The following KCNQ1OT1 variants were observed in gnomAD, a reference collection of about 807,000 sequenced individuals.
The protein encoded by KCNQ1OT1 is KCNQ1 antisense RNA 2 (non-protein coding).
exon 1 of KCNQ1OT1, chr11:2,625,257 T>C (rs1849244462): frequency 1.0e-5 from 4 of 398,580 alleles, no homozygotes; most frequent in Non-Finnish European, 1.8e-5. Context: ...TCTGTTTATG[T>C]GGGATTTTTT....
chr11:2,673,103 G>C lies in KCNQ1OT1; in HGVS notation n.26892C>G. On this transcript the variant is annotated non_coding_transcript_exon_variant, in exon 1 of 1. Transcript: ENST00000597346. The surrounding 1 kb of genome is among the most constrained non-coding windows in gnomAD (Gnocchi z 4.5). Reference sequence around the variant, plus strand: ...CAGTAGGCCTTCACGGTACTCAGCAGGAGACCCCAGCAGGCAGCATCAGGG... The same window carrying C: ...CAGTAGGCCTTCACGGTACTCAGCACGAGACCCCAGCAGGCAGCATCAGGG... 1 of 398,948 alleles carries C rather than the reference G, an allele frequency of 2.5e-6. No homozygotes were observed. The highest frequency in any genetic ancestry group is 4.4e-6 in the Non-Finnish European group (1 of 226,296). 24.7% of individuals were successfully genotyped at this position (398,948 alleles called of 1,614,324 possible). A position where few individuals can be genotyped will look rare whatever the true frequency, so the allele number is the denominator to read the frequency against.
chr11:2,609,421 G>T (rs571299777), exon 1 of KCNQ1OT1: 18 of 398,178 alleles, frequency 4.5e-5, no homozygotes, highest in Non-Finnish European at 6.6e-5. Flanking sequence ...ATTTATGCAG[G>T]TTTGTTTCGT....
chr11:2,668,231 A>G lies in KCNQ1OT1; in HGVS notation n.31764T>C. 2.5e-6 allele frequency: 1 copy of G among 398,656 alleles called. No individual in the cohort carries two copies. Among genetic ancestry groups the G allele is most frequent in the Non-Finnish European group, 4.4e-6 (1 of 226,092 alleles). 24.7% of individuals were successfully genotyped at this position (398,656 alleles called of 1,614,324 possible). A position where few individuals can be genotyped will look rare whatever the true frequency, so the allele number is the denominator to read the frequency against. On this transcript the variant is annotated non_coding_transcript_exon_variant, in exon 1 of 1. Transcript: ENST00000597346. This position sits in a 1 kb window ranked among gnomAD's most constrained non-coding sequence, Gnocchi z 4.3. ...TTCATCCATTCTACCACCTGTGGCC[A>G]GCAGGCAGTTTCTGGTGTAGGTTGC...
exon 1 of KCNQ1OT1, chr11:2,660,425 A>G: frequency 2.5e-6 from 1 of 398,652 alleles, no homozygotes. Flanking sequence ...CTTTAAAAAC[A>G]TAAAACATTT....
At position 2,668,669 on chromosome 11, in the gene KCNQ1OT1, A is replaced by C; in HGVS notation, n.31326T>G. On this transcript the variant is annotated non_coding_transcript_exon_variant, in exon 1 of 1. Transcript: ENST00000597346. This position sits in a 1 kb window ranked among gnomAD's most constrained non-coding sequence, Gnocchi z 4.3. Reference sequence around the variant, plus strand: ...ATATATCTTTAGATATTCTGGAGTCATTTGTCAGAGAGAGAGATACACACA... The same window carrying C: ...ATATATCTTTAGATATTCTGGAGTCCTTTGTCAGAGAGAGAGATACACACA... 2.5e-6 allele frequency: 1 copy of C among 398,524 alleles called. No homozygotes were observed. Among genetic ancestry groups the C allele is most frequent in the Non-Finnish European group, 4.4e-6 (1 of 226,052 alleles). 24.7% of individuals were successfully genotyped at this position (398,524 alleles called of 1,614,324 possible).
Position 2,670,315 on chromosome 11 carries a change from C to A in KCNQ1OT1, n.29680G>T. On this transcript the variant is annotated non_coding_transcript_exon_variant, in exon 1 of 1. Transcript: ENST00000597346. This position sits in a 1 kb window ranked among gnomAD's most constrained non-coding sequence, Gnocchi z 4.9. ...TAGGTGCCCAATGGAGAGATAATCT[C>A]AAATATGGTAGCAGAGTTCAGACTC... is the stretch of plus-strand genomic sequence containing the variant. 1 of 398,526 alleles carries A rather than the reference C, an allele frequency of 2.5e-6. No individual in the cohort carries two copies. Among genetic ancestry groups the A allele is most frequent in the South Asian group, 1.3e-4 (1 of 7,844 alleles). The allele number at this position is 398,526 out of a possible 1,614,324, so 24.7% of individuals were successfully genotyped here.
rs1849156285 is a variant in KCNQ1OT1, at chr11:2,620,771, T to C, written n.79224A>G. 2.5e-6 allele frequency: 1 copy of C among 398,494 alleles called. No individual in the cohort carries two copies. Among genetic ancestry groups the C allele is most frequent in the Non-Finnish European group, 4.4e-6 (1 of 226,078 alleles). The allele number at this position is 398,494 out of a possible 1,614,324, so 24.7% of individuals were successfully genotyped here. ...GTTATTTGAGAAAACTCCAAACTGC[T>C]TAGCACAGTGGCTGAACTAATTTGT... On this transcript the variant is annotated non_coding_transcript_exon_variant, in exon 1 of 1. Transcript: ENST00000597346. This position sits in a 1 kb window ranked among gnomAD's most constrained non-coding sequence, Gnocchi z 4.5.
rs539778450 is a variant in KCNQ1OT1 at position 2,645,335 on chromosome 11, C to T, written n.54660G>A. The T allele has an allele frequency of 1.0e-4, 40 of 398,682 alleles. No homozygotes were observed. In the East Asian group the frequency reaches 1.4e-3, roughly 14 times the overall value. The allele number at this position is 398,682 out of a possible 1,614,324, so 24.7% of individuals were successfully genotyped here. ...ACAATACTGGATAGGGCAGGGTGAT[C>T]CCTAGGCCCAGAGATGGTATGCGCT... On this transcript the variant is annotated non_coding_transcript_exon_variant, in exon 1 of 1. Transcript: ENST00000597346. The surrounding 1 kb of genome is among the most constrained non-coding windows in gnomAD (Gnocchi z 5.8).
exon 1 of KCNQ1OT1, chr11:2,631,449 T>G (rs1849351850): frequency 2.5e-6 from 1 of 398,476 alleles, no homozygotes; most frequent in South Asian, 1.3e-4. Flanking sequence ...GATTTCTATT[T>G]CTTTATTGAA....
exon 1 of KCNQ1OT1, chr11:2,633,886 C>T (rs867352376): frequency 1.3e-5 from 5 of 398,568 alleles, no homozygotes; most frequent in South Asian, 1.3e-4. Context: ...CATCTGTATA[C>T]ATAGTTTTCA....
rs200275211 is a variant in KCNQ1OT1, at chr11:2,662,025, C to T, written n.37970G>A. The T allele has an allele frequency of 6.1e-5, 99 of 1,614,214 alleles. No homozygotes were observed. The highest frequency in any genetic ancestry group is 2.7e-4 in the East Asian group (12 of 44,876). On this transcript the variant is annotated non_coding_transcript_exon_variant, in exon 1 of 1. Transcript: ENST00000597346. ...ATTTCATGAGAACCAACAGCTTCGC[C>T]GAGGACCTGGACCTGGAAGGGGAGA...
In KCNQ1OT1 at chr11:2,665,000, C is replaced by T. The variant is rs1407261640; in HGVS notation, n.34995G>A. The T allele has an allele frequency of 4.8e-5, 19 of 398,536 alleles. No individual in the cohort carries two copies. Among genetic ancestry groups the T allele is most frequent in the Admixed American group, 1.3e-4 (3 of 22,702 alleles). The allele number at this position is 398,536 out of a possible 1,614,324, so 24.7% of individuals were successfully genotyped here. On this transcript the variant is annotated non_coding_transcript_exon_variant, in exon 1 of 1. Coordinates refer to ENST00000597346, the Ensembl canonical transcript of KCNQ1OT1. The surrounding 1 kb of genome is among the most constrained non-coding windows in gnomAD (Gnocchi z 5.1). ...TGGGGCTGGGCGAAGCTCCTCTTTC[C>T]GGGGCCTGTTAGCCAGAGGTGGGGT...
exon 1 of KCNQ1OT1, chr11:2,694,452 C>T: frequency 2.5e-6 from 1 of 398,630 alleles, no homozygotes; most frequent in Non-Finnish European, 4.4e-6. Context: ...ATATAAATGA[C>T]AGCCCCTCAC....
At chr11:2,692,145 C>G (rs2133893336) in exon 1 of KCNQ1OT1, 1 of 398,764 alleles carries the variant, frequency 2.5e-6, no homozygotes, top group East Asian at 3.6e-5. Context: ...AGGCCCCTGT[C>G]CTTTCAGTGT....
At chr11:2,699,867 T>C (rs988721911) in exon 1 of KCNQ1OT1, 1 of 393,818 alleles carries the variant, frequency 2.5e-6, no homozygotes, top group African/African-American at 2.1e-5. Context: ...GGGAGAATCG[T>C]GCTGAGGAGC....
rs1371881231 is a variant in KCNQ1OT1, at chr11:2,627,019, G to C, written n.72976C>G. 2.5e-6 allele frequency: 1 copy of C among 398,408 alleles called. No individual in the cohort carries two copies. The highest frequency in any genetic ancestry group is 4.4e-6 in the Non-Finnish European group (1 of 226,050). The allele number at this position is 398,408 out of a possible 1,614,324, so 24.7% of individuals were successfully genotyped here. A position where few individuals can be genotyped will look rare whatever the true frequency, so the allele number is the denominator to read the frequency against. ...TTTGTAGATTGTTTTGTGTGGTACT[G>C]ACACCTTAACAATATTGGCCTTCCA... On this transcript the variant is annotated non_coding_transcript_exon_variant, in exon 1 of 1. Coordinates refer to ENST00000597346, the Ensembl canonical transcript of KCNQ1OT1. The surrounding 1 kb of genome is among the most constrained non-coding windows in gnomAD (Gnocchi z 4.9).
chr11:2,625,859 G>C (rs149306964), exon 1 of KCNQ1OT1: 2 of 398,514 alleles, frequency 5.0e-6, no homozygotes, highest in Admixed American at 4.4e-5. Flanking sequence ...GTGAGCCACC[G>C]TGCCTGGCCC....
chr11:2,618,348 C>T, exon 1 of KCNQ1OT1: 1 of 398,532 alleles, frequency 2.5e-6, no homozygotes, highest in Non-Finnish European at 4.4e-6. Context: ...ACAAAGTTTA[C>T]AAATTTGTGT....
At position 2,687,394 on chromosome 11, in the gene KCNQ1OT1, G is replaced by A. The variant is rs1850508828; in HGVS notation, n.12601C>T. On this transcript the variant is annotated non_coding_transcript_exon_variant, in exon 1 of 1. Transcript: ENST00000597346. The surrounding 1 kb of genome is among the most constrained non-coding windows in gnomAD (Gnocchi z 5.0). ...CACTCAGGGCTGAGCTCTGCTGAAG[G>A]ATCTGGGAGGTCAGTAGGCACCTGT... The A allele has an allele frequency of 5.0e-6, 2 of 398,662 alleles. No individual in the cohort carries two copies. Among genetic ancestry groups the A allele is most frequent in the Non-Finnish European group, 8.8e-6 (2 of 226,104 alleles). 24.7% of individuals were successfully genotyped at this position (398,662 alleles called of 1,614,324 possible). A position where few individuals can be genotyped will look rare whatever the true frequency, so the allele number is the denominator to read the frequency against.
Sources: gnomAD v4.1 joint callset for allele counts on GRCh38, gnomAD v4.1.1 for gene constraint, Gnocchi (gnomAD v3.1) non-coding constraint, MANE v1.5 for transcripts, NCBI Gene and HGNC (gene_info 2026-07-23, HGNC 2026-07-21) for gene names.